CTNNA2: variants seen among roughly 807,000 people sequenced by gnomAD.
The protein encoded by CTNNA2 is catenin alpha 2, also known as catenin alpha-2.
CTNNA2 carries 42 observed loss-of-function variants against 101.0 expected under a neutral mutation model. That is an observed-to-expected ratio of 0.42 (90% CI 0.32 to 0.54). CTNNA2 has a LOEUF of 0.54. Ranked by LOEUF, CTNNA2 falls within the 20% of genes least tolerant of loss-of-function variation. The pLI is 0.14. For missense variants in CTNNA2, 871 were observed against 1,223.1 expected (o/e 0.71, Z 4.29); for synonymous variants, 450 against 456.4 (o/e 0.99, Z 0.18).
chr2:79,662,741 A>G (rs1339578802), intron 2 of CTNNA2, among the ~76,000 whole-genome samples: 1 of 152,170 alleles, frequency 6.6e-6, no homozygotes, highest in African/African-American at 2.4e-5. Flanking sequence ...GGTAAGCCCT[A>G]TTTTCACATA....
chr2:79,672,246 T>C (rs188140607), intron 2 of CTNNA2, among the ~76,000 whole-genome samples: 20 of 152,334 alleles, frequency 1.3e-4, no homozygotes, highest in African/African-American at 4.3e-4. Context: ...CGTTATTTAA[T>C]ACATCTGTTA....
intron 8 of CTNNA2, among the ~76,000 whole-genome samples, chr2:80,409,985 A>G (rs1314650906): frequency 1.3e-5 from 2 of 152,354 alleles, no homozygotes; most frequent in East Asian, 1.9e-4. Context: ...CATTGAGTAC[A>G]TTAAAATGAG....
chr2:79,869,355 T>C (rs774149389), intron 4 of CTNNA2, among the ~76,000 whole-genome samples: 2 of 152,248 alleles, frequency 1.3e-5, no homozygotes, highest in Admixed American at 1.3e-4. Flanking sequence ...GTCCCGGTGC[T>C]AGAGATGTTG....
intron 1 of CTNNA2, among the ~76,000 whole-genome samples, chr2:79,631,430 A>G (rs767962728): frequency 5.3e-5 from 8 of 152,094 alleles, no homozygotes; most frequent in Non-Finnish European, 1.5e-5. Flanking sequence ...ACAAACCACT[A>G]CGCGTCTCCC....
intron 7 of CTNNA2, among the ~76,000 whole-genome samples, chr2:80,348,983 T>C (rs1265594103): frequency 6.6e-6 from 1 of 152,144 alleles, no homozygotes; most frequent in Non-Finnish European, 1.5e-5. Flanking sequence ...ACTAAAAGGT[T>C]ATTTCAGATT....
chr2:80,120,192 G>A (rs1317829022), intron 7 of CTNNA2, among the ~76,000 whole-genome samples: 1 of 152,152 alleles, frequency 6.6e-6, no homozygotes, highest in African/African-American at 2.4e-5. Flanking sequence ...ACTGATGACA[G>A]TCAATAGACT....
At chr2:79,679,362 C>T (rs533632698) in intron 2 of CTNNA2, among the ~76,000 whole-genome samples, 33 of 152,216 alleles carry the variant, frequency 2.2e-4, no homozygotes, top group Admixed American at 7.2e-4. Context: ...CATTGGTGGG[C>T]GGGTTGGCAT....
intron 2 of CTNNA2, among the ~76,000 whole-genome samples, chr2:79,669,120 T>C (rs1682647758): frequency 6.6e-6 from 1 of 152,228 alleles, no homozygotes; most frequent in South Asian, 2.1e-4. Flanking sequence ...AAATATTTAA[T>C]AATTTTAACT....
At chr2:80,135,745 A>T (rs1702658646) in intron 7 of CTNNA2, among the ~76,000 whole-genome samples, 1 of 152,278 alleles carries the variant, frequency 6.6e-6, no homozygotes, top group East Asian at 1.9e-4. Flanking sequence ...CAGAAACTGC[A>T]TTGGGAGACC....
At chr2:80,074,116 A>G (rs1274320377) in intron 7 of CTNNA2, among the ~76,000 whole-genome samples, 1 of 152,198 alleles carries the variant, frequency 6.6e-6, no homozygotes, top group African/African-American at 2.4e-5. Flanking sequence ...TTTCATTCAA[A>G]TTCTAAAATA....
intron 3 of CTNNA2, among the ~76,000 whole-genome samples, chr2:79,372,673 C>G (rs1416474668): frequency 6.6e-6 from 1 of 152,082 alleles, no homozygotes; most frequent in Non-Finnish European, 1.5e-5. Context: ...CAGGACAGAT[C>G]CCTTGAATCA....
intron 17 of CTNNA2, among the ~76,000 whole-genome samples, chr2:80,609,239 A>G (rs1200927228): frequency 6.6e-6 from 1 of 151,850 alleles, no homozygotes; most frequent in African/African-American, 2.4e-5. Context: ...CACAAAGCTC[A>G]GGTCTTCCTG....
At chr2:79,641,981 A>G (rs748427703) in intron 1 of CTNNA2, among the ~76,000 whole-genome samples, 38 of 152,140 alleles carry the variant, frequency 2.5e-4, no homozygotes, top group Non-Finnish European at 4.1e-4. Flanking sequence ...GCCATGTATT[A>G]TTAGTCTTAA....
At chr2:79,466,702 C>G (rs1054162343) in intron 4 of CTNNA2, among the ~76,000 whole-genome samples, 6 of 152,192 alleles carry the variant, frequency 3.9e-5, no homozygotes, top group African/African-American at 1.4e-4. Flanking sequence ...AATCAGGCAG[C>G]AACATTTGCT....
At chr2:79,702,757 C>T (rs1055624149) in intron 2 of CTNNA2, among the ~76,000 whole-genome samples, 3 of 152,130 alleles carry the variant, frequency 2.0e-5, no homozygotes, top group Non-Finnish European at 4.4e-5. Context: ...ATAGGTTGCC[C>T]CTTTTATAAT....
chr2:80,581,621 G>T, intron 13 of CTNNA2, 85 bp from the exon 14 acceptor site: 2 of 816,928 alleles, frequency 2.4e-6, no homozygotes, highest in East Asian at 2.5e-5. Flanking sequence ...TTTGCTGGGG[G>T]ATATTTAGCC....
chr2:80,565,083 G>A (rs553021852), intron 12 of CTNNA2, among the ~76,000 whole-genome samples: 1 of 152,266 alleles, frequency 6.6e-6, no homozygotes, highest in Admixed American at 6.5e-5. Context: ...AAAGGAAATA[G>A]TTTCAAGAGA....
rs552217025 is a variant in CTNNA2, at chr2:79,711,908, T to C, written c.103-32479T>C. 5.9e-5 allele frequency among the ~76,000 whole-genome samples: 9 copies of C among 152,306 alleles called. No individual in the cohort carries two copies. In the South Asian group the frequency reaches 1.9e-3, roughly 32 times the overall value. ...TCTGGTGTCATGGATCATTATTCTT[T>C]GAATTTTTTAGCCATTTAAAAAGAT... On this transcript the variant is annotated intron_variant, in intron 2 of 18. Transcript: ENST00000402739.
At chr2:79,548,595 A>G (rs2104032630) in intron 1 of CTNNA2, among the ~76,000 whole-genome samples, 1 of 152,296 alleles carries the variant, frequency 6.6e-6, no homozygotes, top group Non-Finnish European at 1.5e-5. Context: ...CTCAAAGGAA[A>G]CTGGGTTCTC....
Sources: gnomAD v4.1 joint callset for allele counts (sites outside exome capture counted in the v4.1 genomes callset) on GRCh38, gnomAD v4.1.1 for gene constraint, MANE v1.5 for transcripts, NCBI Gene and HGNC (gene_info 2026-07-23, HGNC 2026-07-21) for gene names.